ZNF577: variants seen among roughly 807,000 people sequenced by gnomAD.
ZNF577 encodes the protein zinc finger protein 577.
In ZNF577, 14 loss-of-function variants were observed where a neutral mutation model predicts 13.9. The observed-to-expected ratio is 1.00, with a 90% CI of 0.66 to 1.57. ZNF577 has a LOEUF of 1.57. ZNF577 is among the 40% of genes most tolerant of loss of function. The pLI is 0.00. For synonymous variants in ZNF577, 203 were observed against 202.9 expected, an observed-to-expected ratio of 1.00 and a Z score of 0.00; for missense variants, 555 against 579.2, an observed-to-expected ratio of 0.96 and a Z score of 0.43.
intron 9 of ZNF577, among the ~76,000 whole-genome samples, chr19:51,813,767 C>G (rs973158619): frequency 6.6e-6 from 1 of 152,154 alleles, no homozygotes; most frequent in Admixed American, 6.5e-5. Flanking sequence ...ATCTCCTGAC[C>G]TCGTGATCCA....
At chr19:51,840,763 C>T (rs1008841660) in intron 8 of ZNF577, 1 of 152,082 alleles carries the variant, frequency 6.6e-6, no homozygotes, top group East Asian at 1.9e-4. Context: ...GATGTTTTAT[C>T]CCTTAAAAAT....
At chr19:51,852,917 AAGAC>A (rs1408862576) in intron 5 of ZNF577, among the ~76,000 whole-genome samples, 1 of 150,244 alleles carries the variant, frequency 6.7e-6, no homozygotes, top group Admixed American at 6.7e-5. Context: ...GGCTCTTTAA[AAGAC>A]AGTTTTCTTT....
In ZNF577 at chr19:51,879,081, C is replaced by T. The variant is rs574843884; in HGVS notation, c.61-566G>A. 9.9e-5 allele frequency among the ~76,000 whole-genome samples: 15 copies of T among 151,854 alleles called. No homozygotes were observed. In the South Asian group the frequency reaches 2.9e-3, roughly 29 times the overall value. On this transcript the variant is annotated intron_variant, in intron 3 of 5. Transcript: ENST00000638348. ...GACTATCCTGGCTAACACAGTGAAA[C>T]CCCATCTCCACTAAAAATACAAAAA...
intron 9 of ZNF577, among the ~76,000 whole-genome samples, chr19:51,819,349 G>C (rs1212641882): frequency 1.3e-5 from 2 of 152,152 alleles, no homozygotes; most frequent in Non-Finnish European, 2.9e-5. Flanking sequence ...TTTAAGCTGT[G>C]ATACTGAATG....
chr19:51,852,180 C>T (rs1426175768), intron 5 of ZNF577, among the ~76,000 whole-genome samples: 1 of 152,220 alleles, frequency 6.6e-6, no homozygotes, highest in Non-Finnish European at 1.5e-5. Flanking sequence ...CCTTTAGCTT[C>T]CTGCTCTTTG....
intron 5 of ZNF577, among the ~76,000 whole-genome samples, chr19:51,852,014 T>A (rs1370311127): frequency 1.3e-5 from 2 of 152,194 alleles, no homozygotes; most frequent in African/African-American, 4.8e-5. Context: ...AAACTTTGCC[T>A]TAACTTCTAC....
intron 9 of ZNF577, among the ~76,000 whole-genome samples, chr19:51,838,422 C>T (rs756567688): frequency 2.2e-4 from 34 of 151,522 alleles, no homozygotes; most frequent in Admixed American, 4.6e-4. Context: ...GTTAAATATG[C>T]ATTTAAATGT....
chr19:51,852,868 G>C (rs1295436320), intron 5 of ZNF577, among the ~76,000 whole-genome samples: 1 of 152,020 alleles, frequency 6.6e-6, no homozygotes, highest in African/African-American at 2.4e-5. Context: ...AATTGTATAT[G>C]CCCTGTCTTT....
chr19:51,829,162 A>G (rs1243741004), intron 9 of ZNF577, among the ~76,000 whole-genome samples: 2 of 152,188 alleles, frequency 1.3e-5, no homozygotes, highest in Non-Finnish European at 2.9e-5. Flanking sequence ...CGAATGACAG[A>G]TGAAAAATGC....
intron 5 of ZNF577, among the ~76,000 whole-genome samples, chr19:51,851,490 T>C (rs2084378345): frequency 6.6e-6 from 1 of 152,204 alleles, no homozygotes; most frequent in Admixed American, 6.5e-5. Flanking sequence ...TTCTTTCAAC[T>C]TTCCCATACG....
At chr19:51,844,102 T>C (rs1450254874) in intron 6 of ZNF577, among the ~76,000 whole-genome samples, 1 of 151,716 alleles carries the variant, frequency 6.6e-6, no homozygotes, top group African/African-American at 2.4e-5. Context: ...AGAATTGCAT[T>C]TTGGAAATTG....
chr19:51,826,961 T>A (rs1433881264), intron 9 of ZNF577, among the ~76,000 whole-genome samples: 2 of 152,136 alleles, frequency 1.3e-5, no homozygotes, highest in Admixed American at 1.3e-4. Flanking sequence ...AGACTAATCC[T>A]AGGTTCTACA....
chr19:51,817,828 A>T (rs2084151454), intron 9 of ZNF577: 1 of 152,244 alleles, frequency 6.6e-6, no homozygotes, highest in Non-Finnish European at 1.5e-5. Context: ...AAAGGAACTC[A>T]GCTAGTGGTA....
chr19:51,811,954 T>G (rs1397210139), intron 9 of ZNF577, among the ~76,000 whole-genome samples: 8 of 152,188 alleles, frequency 5.3e-5, no homozygotes, highest in African/African-American at 1.9e-4. Flanking sequence ...TCCCACTAAA[T>G]GTACTCACTT....
chr19:51,853,677 C>T (rs751531068), intron 5 of ZNF577, among the ~76,000 whole-genome samples: 1 of 152,192 alleles, frequency 6.6e-6, no homozygotes, highest in Non-Finnish European at 1.5e-5. Context: ...TTGCTACCTT[C>T]TATAGTATCC....
chr19:51,885,278 G>T (rs1333677505), intron 1 of ZNF577, among the ~76,000 whole-genome samples: 5 of 152,168 alleles, frequency 3.3e-5, no homozygotes, highest in African/African-American at 1.2e-4. Context: ...GAACCTAGTA[G>T]ATGCAGACAA....
At position 51,872,849 on chromosome 19, in the gene ZNF577, C is replaced by T. The variant is rs762658797; in HGVS notation, c.1141G>A (p.Ala381Thr). 1.3e-5 allele frequency: 21 copies of T among 1,614,072 alleles called. No homozygotes were observed. Among genetic ancestry groups the T allele is most frequent in the Non-Finnish European group, 1.8e-5 (21 of 1,180,036 alleles). The stretch of plus-strand genomic sequence containing the variant: ...TTCTCCACCGTCAGTGAATTTATGG[C>T]TGTCTCTCTTATGTGAGTTTTCTCA... ...KHEKTHIRET[A>T]INSLTVEKPS... Residue 381 changes from alanine to threonine, a missense_variant, in exon 6 of 6, where the codon GCC becomes ACC. Physicochemically the swap from Ala to Thr is moderately conservative, Grantham distance 58. Coordinates refer to ENST00000638348, the MANE Select transcript of ZNF577 (RefSeq NM_001370449.1).
chr19:51,821,313 A>G (rs774102126), intron 9 of ZNF577, among the ~76,000 whole-genome samples: 13 of 152,196 alleles, frequency 8.5e-5, no homozygotes, highest in Non-Finnish European at 1.6e-4. Flanking sequence ...TTACTCTGTA[A>G]CAGTGATGCT....
At chr19:51,820,648 G>C (rs1000325392) in intron 9 of ZNF577, among the ~76,000 whole-genome samples, 1 of 152,234 alleles carries the variant, frequency 6.6e-6, no homozygotes, top group African/African-American at 2.4e-5. Context: ...GATATTTGGA[G>C]AGTGGTAGAG....
Sources: gnomAD v4.1 joint callset for allele counts (sites outside exome capture counted in the v4.1 genomes callset) on GRCh38, gnomAD v4.1.1 for gene constraint, MANE v1.5 for transcripts, NCBI Gene and HGNC (gene_info 2026-07-23, HGNC 2026-07-21) for gene names.